Variants in USP36 observed in about 807,000 individuals in gnomAD.
USP36 encodes ubiquitin carboxyl-terminal hydrolase 36.
Under a neutral mutation model 111.5 loss-of-function variants are expected in USP36, and 59 were observed. The ratio of observed to expected loss-of-function variants is 0.53; its 90% confidence interval spans 0.43 to 0.66. The LOEUF (loss-of-function observed/expected upper bound fraction) is 0.66, where lower values mean the gene tolerates loss of function less well. Among genes scored for constraint, USP36 ranks in the 30% least tolerant of loss-of-function variants. The pLI, the probability that USP36 is intolerant of heterozygous loss-of-function variation, is 0.00. For synonymous variants in USP36, 628 were observed against 581.0 expected, an observed-to-expected ratio of 1.08 and a Z score of -1.16; for missense variants, 1,488 against 1,468.0, an observed-to-expected ratio of 1.01 and a Z score of -0.22.
intron 6 of USP36, 89 bp downstream of exon 6, chr17:78,827,156 C>G: frequency 8.4e-7 from 1 of 1,191,782 alleles, no homozygotes; most frequent in Non-Finnish European, 1.1e-6. Context: ...AGAAAGGTGC[C>G]GGGCTGGCTG....
In USP36 at chr17:78,798,804, C is replaced by T; in HGVS notation, c.3240+104G>A. The T allele has an allele frequency of 1.4e-6, 2 of 1,417,908 alleles. No individual in the cohort carries two copies. Among genetic ancestry groups the T allele is most frequent in the East Asian group, 4.5e-5 (2 of 43,980 alleles). The allele number at this position is 1,417,908 out of a possible 1,614,324, so 87.8% of individuals were successfully genotyped here. A position where few individuals can be genotyped will look rare whatever the true frequency, so the allele number is the denominator to read the frequency against. ...CCTGGGCAGCCTGGCTCTTCTCATG[C>T]TCGGCCGCTTCATGCCACTGCCGCC... On this transcript the variant is annotated intron_variant, in intron 19 of 20. Transcript: ENST00000449938. This position sits in a 1 kb window ranked among gnomAD's most constrained non-coding sequence, Gnocchi z 5.1.
At position 78,807,207 on chromosome 17, in the gene USP36, A is replaced by G. The variant is rs759180087; in HGVS notation, c.1837T>C (p.Ser613Pro). The G allele has an allele frequency of 1.9e-6, 3 of 1,613,948 alleles. No homozygotes were observed. The South Asian group carries it at 3.3e-5, about 18-fold the overall frequency. Reference protein sequence around the residue: ...AGLDRRGSSSSSPEHSASSDS... With the variant: ...AGLDRRGSSSPSPEHSASSDS... ...CTGCTGGCCGAGTGCTCTGGGCTGG[A>G]GCTGCTGGAGCCCCTCCTGTCGAGG... The change falls in exon 14 of 21, where the codon TCC becomes CCC. Residue 613 changes from serine (S) to proline (P), a missense_variant. Ser to Pro is a moderately conservative substitution (Grantham distance 74). This residue lies in a region of USP36 where 1,073 missense variants were observed against 994.1 expected (regional missense o/e 1.08). Transcript: ENST00000449938.
chr17:78,821,418 A>C (rs1257226841), intron 7 of USP36: 2 of 50,116 alleles, frequency 4.0e-5, no homozygotes, highest in Non-Finnish European at 6.8e-5. Flanking sequence ...ATATATATAT[A>C]TATTTTTTTT....
At chr17:78,824,057 A>G (rs1471801394) in intron 6 of USP36, among the ~76,000 whole-genome samples, 1 of 152,238 alleles carries the variant, frequency 6.6e-6, no homozygotes, top group Non-Finnish European at 1.5e-5. Flanking sequence ...GAACGTCCTC[A>G]ACACAGTGAG....
intron 8 of USP36, 81 bp downstream of exon 8, chr17:78,820,910 C>G (rs924978049): frequency 2.8e-6 from 4 of 1,424,106 alleles, no homozygotes; most frequent in South Asian, 1.2e-5. Flanking sequence ...TGATCTGATG[C>G]CTTTACTGTT....
At chr17:78,799,130 A>G in intron 18 of USP36, 107 bp from the exon 19 acceptor site, 1 of 1,084,128 alleles carries the variant, frequency 9.2e-7, no homozygotes, top group Non-Finnish European at 1.4e-6. Context: ...TTAGTCAACA[A>G]TTTTGAGTGC....
chr17:78,805,224 T>C lies in USP36; in HGVS notation c.2216+932A>G, dbSNP rs566852981. Among the ~76,000 whole-genome samples the C allele has an allele frequency of 5.3e-5, 8 of 152,264 alleles. No individual in the cohort carries two copies. In the East Asian group the frequency reaches 1.5e-3, roughly 29 times the overall value. On this transcript the variant is annotated intron_variant, in intron 15 of 20. Coordinates refer to ENST00000449938, the MANE Select transcript of USP36 (RefSeq NM_001385174.1). The stretch of plus-strand genomic sequence containing the variant: ...TCATCTAAACAAACTATAAGGGCCA[T>C]GCCAGCTGCACGATGTTTGATTACT...
At position 78,836,329 on chromosome 17, in the gene USP36, T is replaced by G; in HGVS notation, c.35A>C (p.Lys12Thr). 6.2e-7 allele frequency: 1 copy of G among 1,614,126 alleles called. No homozygotes were observed. ...ATCAGCCGAGTCCTTGCGGCCGGGT[T>G]TCAGGGCCTCCTTCAACTTATCCAC... ...PIVDKLKEALKPGRKDSADDG... is the reference protein window; with the variant it reads ...PIVDKLKEALTPGRKDSADDG... Residue 12 changes from lysine (K) to threonine (T), a missense_variant, in exon 3 of 21, where the codon AAA (lysine) becomes ACA (threonine). Around this residue, in one of 3 missense-constraint regions of USP36, gnomAD observed 219 missense variants for 209.5 expected, o/e 1.05. Coordinates refer to ENST00000449938, the MANE Select transcript of USP36 (RefSeq NM_001385174.1).
chr17:78,807,617 A>G lies in USP36; in HGVS notation c.1427T>C (p.Met476Thr). 1.3e-6 allele frequency: 2 copies of G among 1,536,322 alleles called. No individual in the cohort carries two copies. The highest frequency in any genetic ancestry group is 1.8e-6 in the Non-Finnish European group (2 of 1,142,240). Reference protein sequence around the residue: ...LTGKRQDSGTMKKPHTTEEIG... With the variant: ...LTGKRQDSGTTKKPHTTEEIG... The stretch of plus-strand genomic sequence containing the variant: ...CTCTTCAGTGGTGTGCGGCTTCTTC[A>G]TCGTCCCAGAGTCTTGTCGCTAAGG... Residue 476 changes from methionine (M) to threonine (T), a missense_variant, in exon 14 of 21, where the codon ATG (methionine) becomes ACG (threonine). This residue lies in a region of USP36 where 1,073 missense variants were observed against 994.1 expected (regional missense o/e 1.08). Transcript: ENST00000449938.
chr17:78,806,016 C>T (rs2054624), intron 15 of USP36, 140 bp downstream of exon 15: 253,600 of 1,417,086 alleles, frequency 0.18, 23,475 homozygotes, highest in Admixed American at 0.31. Context: ...TGGTCAGTGA[C>T]GCCCCCCTGT....
At chr17:78,807,666 G>A in intron 13 of USP36, 30 bp from the exon 14 acceptor site, 1 of 1,509,204 alleles carries the variant, frequency 6.6e-7, no homozygotes, top group East Asian at 2.3e-5. Flanking sequence ...AAACACAACT[G>A]AGGAAGCGAG....
At chr17:78,823,523 A>G (rs2094380610) in intron 6 of USP36, among the ~76,000 whole-genome samples, 2 of 152,184 alleles carry the variant, frequency 1.3e-5, no homozygotes, top group African/African-American at 2.4e-5. Flanking sequence ...CTGGGGACAA[A>G]GGGCAGTAGA....
Position 78,813,003 on chromosome 17 carries a change from T to C in USP36, c.1266-2A>G. ...GGACTTTTCTTAGAGCCTGGAATTCTGTCAAAGGAAGAAAACAAGTAGGGA... is the reference window on the plus strand; with the variant it reads ...GGACTTTTCTTAGAGCCTGGAATTCCGTCAAAGGAAGAAAACAAGTAGGGA... On this transcript the variant is annotated splice_acceptor_variant, in intron 12 of 20. Coordinates refer to ENST00000449938, the MANE Select transcript of USP36 (RefSeq NM_001385174.1). LOFTEE classifies it high-confidence loss of function. 6.2e-7 allele frequency: 1 copy of C among 1,613,926 alleles called. No homozygotes were observed.
chr17:78,818,581 A>G, intron 10 of USP36, 86 bp downstream of exon 10: 1 of 1,207,990 alleles, frequency 8.3e-7, no homozygotes, highest in South Asian at 1.2e-5. Flanking sequence ...AGCAGCTATC[A>G]AACTCGTGGC....
intron 13 of USP36, among the ~76,000 whole-genome samples, chr17:78,807,848 C>T (rs542060408): frequency 6.6e-6 from 1 of 152,252 alleles, no homozygotes; most frequent in African/African-American, 2.4e-5. Flanking sequence ...GGACCACAGC[C>T]GTGTACCACC....
chr17:78,803,282 A>G lies in USP36; in HGVS notation c.2810+103T>C, dbSNP rs1440388160. ...AATCCACATTTTAGAAAACCACGCA[A>G]GCAGACTACGTTTCCAGACCATACC... On this transcript the variant is annotated intron_variant, in intron 16 of 20. Transcript: ENST00000449938. The surrounding 1 kb of genome is among the most constrained non-coding windows in gnomAD (Gnocchi z 4.6). The G allele has an allele frequency of 7.7e-7, 1 of 1,304,556 alleles. No homozygotes were observed. Among genetic ancestry groups the G allele is most frequent in the Non-Finnish European group, 1.1e-6 (1 of 941,360 alleles). The allele number at this position is 1,304,556 out of a possible 1,614,324, so 80.8% of individuals were successfully genotyped here.
intron 10 of USP36, among the ~76,000 whole-genome samples, chr17:78,815,826 CACAT>C (rs2094167381): frequency 6.8e-6 from 1 of 147,450 alleles, no homozygotes; most frequent in South Asian, 2.1e-4. Context: ...CACACATGCA[CACAT>C]ATATACATAC....
chr17:78,819,853 G>C lies in USP36; in HGVS notation c.911+77C>G, dbSNP rs1333679338. 2.8e-6 allele frequency: 4 copies of C among 1,447,988 alleles called. No homozygotes were observed. In the East Asian group the frequency reaches 9.1e-5, roughly 33 times the overall value. The allele number at this position is 1,447,988 out of a possible 1,614,324, so 89.7% of individuals were successfully genotyped here. ...CGGTCACCGCTAAGGAAGAGTGGGT[G>C]GGCACAACACTGTCAGGTGAGGGGA... On this transcript the variant is annotated intron_variant, in intron 9 of 20. Transcript: ENST00000449938.
At chr17:78,804,415 G>A (rs1284732220) in intron 15 of USP36, among the ~76,000 whole-genome samples, 1 of 147,386 alleles carries the variant, frequency 6.8e-6, no homozygotes. Context: ...GAGCCGAATC[G>A]CGCCACTGCA....
Sources: allele counts gnomAD v4.1 joint callset (sites outside exome capture counted in the v4.1 genomes callset), GRCh38; gene constraint gnomAD v4.1.1; regional missense constraint gnomAD v4.1.1; non-coding constraint Gnocchi (gnomAD v3.1); transcripts MANE v1.5; gene names NCBI Gene and HGNC (gene_info 2026-07-23, HGNC 2026-07-21).